The following CNTN4 variants were observed in gnomAD, a reference collection of about 807,000 sequenced individuals.
CNTN4 encodes contactin 4, also known as contactin-4.
In CNTN4, 77 loss-of-function variants were observed where a neutral mutation model predicts 122.5. The ratio of observed to expected loss-of-function variants is 0.63; its 90% CI spans 0.52 to 0.76. The LOEUF (loss-of-function observed/expected upper bound fraction) is 0.76. CNTN4 is among the 30% of genes least tolerant of loss of function. CNTN4 has a pLI of 0.00. For missense variants in CNTN4, 1,256 were observed against 1,259.1 expected (o/e 1.00, Z 0.04); for synonymous variants, 512 against 447.0 (o/e 1.15, Z -1.83).
chr3:2,250,404 C>T (rs559862940), intron 2 of CNTN4, among the ~76,000 whole-genome samples: 1 of 151,806 alleles, frequency 6.6e-6, no homozygotes, highest in Admixed American at 6.6e-5. Context: ...CAGCTATCAA[C>T]CCTATTAGCA....
chr3:2,816,601 T>A (rs2092736452), intron 6 of CNTN4, among the ~76,000 whole-genome samples: 1 of 151,222 alleles, frequency 6.6e-6, no homozygotes, highest in Non-Finnish European at 1.5e-5. Context: ...GGCGGGTGGA[T>A]CATGAAGTCA....
rs116575302 is a variant in CNTN4 at position 2,692,294 on chromosome 3, G to A, written c.56-43921G>A. Among the ~76,000 whole-genome samples, 718 of 152,222 alleles carry A rather than the reference G, an allele frequency of 4.7e-3. 3 individuals are homozygous for A. Among genetic ancestry groups the A allele is most frequent in the African/African-American group, 0.016 (673 of 41,546 alleles). On this transcript the variant is annotated intron_variant, in intron 4 of 24. Transcript: ENST00000418658. ...TTTGATGTTCTCCTTTCGGAAAAGC[G>A]ATGAAAACCTACAGTGCCCGGTGCT...
At chr3:2,842,599 C>G (rs1577022947) in intron 7 of CNTN4, among the ~76,000 whole-genome samples, 1 of 152,336 alleles carries the variant, frequency 6.6e-6, no homozygotes, top group African/African-American at 2.4e-5. Flanking sequence ...TACATCTTCT[C>G]TTTCACGGAC....
intron 4 of CNTN4, among the ~76,000 whole-genome samples, chr3:2,713,146 G>A (rs894059048): frequency 2.0e-5 from 3 of 152,166 alleles, no homozygotes; most frequent in Non-Finnish European, 4.4e-5. Context: ...CTGAAGTGGG[G>A]GAGCAGTTTT....
At chr3:2,232,817 C>T (rs1006548155) in intron 2 of CNTN4, among the ~76,000 whole-genome samples, 2 of 152,146 alleles carry the variant, frequency 1.3e-5, no homozygotes, top group Non-Finnish European at 2.9e-5. Flanking sequence ...TTATCACTCT[C>T]TACCTCTACA....
intron 13 of CNTN4, among the ~76,000 whole-genome samples, chr3:2,962,161 C>G (rs1035538303): frequency 6.6e-6 from 1 of 152,228 alleles, no homozygotes; most frequent in Non-Finnish European, 1.5e-5. Flanking sequence ...TTATCTGGAT[C>G]TCTTCTGCCA....
intron 13 of CNTN4, among the ~76,000 whole-genome samples, chr3:2,933,520 C>T (rs970241008): frequency 6.6e-6 from 1 of 152,226 alleles, no homozygotes; most frequent in Middle Eastern, 3.4e-3. Context: ...AGCAGTGTTG[C>T]GTGACTCAGT....
intron 2 of CNTN4, among the ~76,000 whole-genome samples, chr3:2,329,768 A>G (rs2043639883): frequency 6.6e-6 from 1 of 152,140 alleles, no homozygotes; most frequent in South Asian, 2.1e-4. Flanking sequence ...TTTGCTTTGT[A>G]CCAGGAAAAA....
chr3:2,769,464 C>CAAAAAAAAA (rs71058643), intron 6 of CNTN4, among the ~76,000 whole-genome samples: 110 of 137,030 alleles, frequency 8.0e-4, no homozygotes, highest in African/African-American at 2.9e-3. Flanking sequence ...GACTCTGTCT[C>CAAAAAAAAA]AAAAAAAAAA....
chr3:2,367,284 TAA>T (rs2045428927), intron 3 of CNTN4, among the ~76,000 whole-genome samples: 1 of 152,232 alleles, frequency 6.6e-6, no homozygotes. Flanking sequence ...GCAATATATA[TAA>T]GTTGCTTTTC....
At chr3:2,495,842 A>T (rs1575767882) in intron 3 of CNTN4, among the ~76,000 whole-genome samples, 1 of 152,296 alleles carries the variant, frequency 6.6e-6, no homozygotes, top group East Asian at 1.9e-4. Context: ...TTGAAAACAT[A>T]GGAAACTTCA....
intron 3 of CNTN4, among the ~76,000 whole-genome samples, chr3:2,454,714 T>C (rs2048934558): frequency 7.0e-6 from 1 of 143,466 alleles, no homozygotes; most frequent in Admixed American, 7.0e-5. Context: ...TCTACGTGCT[T>C]GTTTCCTACT....
intron 10 of CNTN4, 70 bp from the exon 11 acceptor site, chr3:2,900,615 T>C (rs2094162925): frequency 2.0e-6 from 3 of 1,532,190 alleles, no homozygotes; most frequent in Non-Finnish European, 2.7e-6. Context: ...TGCCCTTTGA[T>C]TGAATATGAT....
chr3:2,320,949 C>G lies in CNTN4; in HGVS notation c.-144-18229C>G, dbSNP rs2043257126. ...CTAAAAAATATCCTGGAATTACTAT[C>G]ATTCCTAAAATATTTTTATTTCAGT... On this transcript the variant is annotated intron_variant, in intron 2 of 24. Transcript: ENST00000418658. Among the ~76,000 whole-genome samples the G allele has an allele frequency of 2.0e-5, 3 of 152,112 alleles. No individual in the cohort carries two copies. In the South Asian group the frequency reaches 6.2e-4, roughly 31 times the overall value.
intron 3 of CNTN4, among the ~76,000 whole-genome samples, chr3:2,369,377 A>G (rs12496950): frequency 0.37 from 56,790 of 152,092 alleles, 10,787 homozygotes; most frequent in Middle Eastern, 0.48. Flanking sequence ...TTGGTCTTGT[A>G]TCAATTTTTA....
intron 6 of CNTN4, among the ~76,000 whole-genome samples, chr3:2,808,934 G>GT (rs148826086): frequency 0.01 from 1,580 of 152,342 alleles, 36 homozygotes; most frequent in African/African-American, 0.037. Flanking sequence ...GTTCACCCTA[G>GT]TCCAACAGGT....
chr3:2,925,337 C>T (rs529889162), intron 12 of CNTN4, among the ~76,000 whole-genome samples: 8 of 152,162 alleles, frequency 5.3e-5, no homozygotes, highest in Admixed American at 2.6e-4. Flanking sequence ...GGGCGGATCA[C>T]GAGGTCAAGA....
intron 2 of CNTN4, among the ~76,000 whole-genome samples, chr3:2,215,151 C>T (rs1163988919): frequency 6.6e-6 from 1 of 152,096 alleles, no homozygotes; most frequent in Non-Finnish European, 1.5e-5. Flanking sequence ...GTGAATGTTT[C>T]CTTCTTATTC....
At chr3:2,383,614 C>A (rs2046114757) in intron 3 of CNTN4, among the ~76,000 whole-genome samples, 1 of 151,466 alleles carries the variant, frequency 6.6e-6, no homozygotes, top group Admixed American at 6.6e-5. Flanking sequence ...CCTTCTGCTC[C>A]CTCTCCCTCT....
Sources: allele counts gnomAD v4.1 joint callset (sites outside exome capture counted in the v4.1 genomes callset), GRCh38; gene constraint gnomAD v4.1.1; transcripts MANE v1.5; gene names NCBI Gene and HGNC (gene_info 2026-07-23, HGNC 2026-07-21).